Variants in ITGB1 observed in about 807,000 individuals in gnomAD.
The protein encoded by ITGB1 is integrin subunit beta 1, also known as integrin beta-1.
Under a neutral mutation model 86.5 loss-of-function variants are expected in ITGB1, and 24 were observed. The observed-to-expected ratio is 0.28, with a 90% CI of 0.20 to 0.39. The LOEUF (loss-of-function observed/expected upper bound fraction) is 0.39. Ranked by LOEUF, ITGB1 falls within the 10% of genes least tolerant of loss-of-function variation. ITGB1 has a pLI of 1.00. For synonymous variants in ITGB1, 323 were observed against 316.8 expected, an observed-to-expected ratio of 1.02 and a Z score of -0.21; for missense variants, 556 against 946.9, an observed-to-expected ratio of 0.59 and a Z score of 5.42.
At chr10:32,951,173 G>C (rs763773923) in intron 1 of ITGB1, among the ~76,000 whole-genome samples, 3 of 152,028 alleles carry the variant, frequency 2.0e-5, no homozygotes, top group Non-Finnish European at 2.9e-5. Flanking sequence ...TGCTCTTCAA[G>C]AAAGTCAGAA....
chr10:32,925,623 T>G (rs551398725), intron 6 of ITGB1, among the ~76,000 whole-genome samples: 80 of 152,330 alleles, frequency 5.3e-4, no homozygotes, highest in African/African-American at 1.8e-3. Context: ...TTTCAAATGG[T>G]TAGCATTCTG....
At chr10:32,949,590 A>C (rs2095038826) in intron 1 of ITGB1, among the ~76,000 whole-genome samples, 1 of 152,184 alleles carries the variant, frequency 6.6e-6, no homozygotes, top group African/African-American at 2.4e-5. Flanking sequence ...TTACCATATG[A>C]AATTTTATCT....
intron 13 of ITGB1, 141 bp downstream of exon 13, chr10:32,911,307 T>C (rs1170565177): frequency 2.9e-6 from 2 of 681,210 alleles, no homozygotes; most frequent in African/African-American, 3.6e-5. Flanking sequence ...CTTTTAAGAA[T>C]TAAAGAGTAG....
intron 12 of ITGB1, 88 bp downstream of exon 12, chr10:32,911,797 CT>C: frequency 7.0e-7 from 1 of 1,426,702 alleles, no homozygotes; most frequent in Non-Finnish European, 9.7e-7. Flanking sequence ...CAAGCTACCC[CT>C]TTTCTACTTA....
At chr10:32,950,994 T>C (rs1160103797) in intron 1 of ITGB1, among the ~76,000 whole-genome samples, 3 of 152,062 alleles carry the variant, frequency 2.0e-5, no homozygotes, top group South Asian at 2.1e-4. Context: ...AGATAAATAA[T>C]GGATATAGTA....
At chr10:32,915,723 T>C (rs556505551) in intron 11 of ITGB1, among the ~76,000 whole-genome samples, 1 of 152,312 alleles carries the variant, frequency 6.6e-6, no homozygotes, top group East Asian at 1.9e-4. Flanking sequence ...ACAGCCGAAT[T>C]CTACCAGAGG....
intron 6 of ITGB1, 26 bp downstream of exon 6, chr10:32,925,845 C>T (rs1593869089): frequency 1.5e-6 from 2 of 1,293,276 alleles, no homozygotes; most frequent in African/African-American, 1.5e-5. Context: ...AAACAATATC[C>T]CCTGATAGGA....
intron 6 of ITGB1, 109 bp downstream of exon 6, chr10:32,925,762 A>C: frequency 2.7e-6 from 2 of 741,428 alleles, no homozygotes; most frequent in Non-Finnish European, 4.6e-6. Context: ...TAAGATAATC[A>C]AATCTATGAA....
Position 32,901,481 on chromosome 10 carries a change from C to G in ITGB1, c.*89G>C. ...TTTCAAAACCTGCACATGAGTAAAA[C>G]CATGGCAATATTGCCCTAAAGCTAC... is the stretch of plus-strand genomic sequence containing the variant. On this transcript the variant is annotated 3_prime_UTR_variant, in exon 16 of 16. Transcript: ENST00000302278. 1 of 824,106 alleles carries G rather than the reference C, an allele frequency of 1.2e-6. No individual in the cohort carries two copies. The highest frequency in any genetic ancestry group is 2.0e-6 in the Non-Finnish European group (1 of 506,926). The allele number at this position is 824,106 out of a possible 1,614,324, so 51.0% of individuals were successfully genotyped here.
At chr10:32,918,530 C>T (rs2094939060) in intron 11 of ITGB1, among the ~76,000 whole-genome samples, 3 of 152,104 alleles carry the variant, frequency 2.0e-5, no homozygotes, top group Admixed American at 2.0e-4. Context: ...GACAAACATA[C>T]ACAGGCGCAC....
chr10:32,937,767 T>C (rs1206150192), intron 1 of ITGB1, among the ~76,000 whole-genome samples: 2 of 152,190 alleles, frequency 1.3e-5, no homozygotes, highest in East Asian at 1.9e-4. Flanking sequence ...TGTTAGGGTC[T>C]TCTTTCTACT....
At position 32,916,715 on chromosome 10, in the gene ITGB1, T is replaced by C. The variant is rs542011992; in HGVS notation, c.1469+3170A>G. On this transcript the variant is annotated intron_variant, in intron 11 of 15. Coordinates refer to ENST00000302278, the MANE Select transcript of ITGB1 (RefSeq NM_002211.4). ...GAGGACTCAAACAAATGGAAGAACA[T>C]TCCATGCTCATGGATAGGAAGAATC... 9.9e-5 allele frequency among the ~76,000 whole-genome samples: 15 copies of C among 152,244 alleles called. No homozygotes were observed. In the South Asian group the frequency reaches 3.1e-3, roughly 32 times the overall value.
At chr10:32,917,485 C>T (rs1052061170) in intron 11 of ITGB1, among the ~76,000 whole-genome samples, 2 of 152,078 alleles carry the variant, frequency 1.3e-5, no homozygotes, top group African/African-American at 4.8e-5. Context: ...AGAACTCCAA[C>T]AAATTTACAA....
At chr10:32,933,027 C>T (rs12412570) in intron 2 of ITGB1, among the ~76,000 whole-genome samples, 9,581 of 151,940 alleles carry the variant, frequency 0.063, 509 homozygotes, top group South Asian at 0.25. Context: ...TTTTTTTGTA[C>T]CCATTAACAC....
Position 32,932,683 on chromosome 10 carries a change from G to T in ITGB1, c.68-83C>A, listed in dbSNP as rs532807650. The stretch of plus-strand genomic sequence containing the variant: ...GAAAAATCAGAATCACAATGACAAT[G>T]CAATACATATGTTAAATATTAATAC... On this transcript the variant is annotated intron_variant, in intron 2 of 15. Transcript: ENST00000302278. The T allele has an allele frequency of 5.1e-6, 4 of 789,668 alleles. No individual in the cohort carries two copies. The East Asian group carries it at 1.0e-4, about 20-fold the overall frequency. The allele number at this position is 789,668 out of a possible 1,614,324, so 48.9% of individuals were successfully genotyped here. A position where few individuals can be genotyped will look rare whatever the true frequency, so the allele number is the denominator to read the frequency against.
intron 15 of ITGB1, among the ~76,000 whole-genome samples, chr10:32,907,943 G>A (rs1195632557): frequency 6.6e-6 from 1 of 152,158 alleles, no homozygotes; most frequent in African/African-American, 2.4e-5. Flanking sequence ...GACGAGCTGC[G>A]AGTTGGACAA....
At chr10:32,942,395 C>T (rs1429442794) in intron 1 of ITGB1, among the ~76,000 whole-genome samples, 1 of 152,148 alleles carries the variant, frequency 6.6e-6, no homozygotes, top group African/African-American at 2.4e-5. Context: ...TGAGAGCCCA[C>T]CAGGTATTGG....
chr10:32,903,195 T>C (rs2094886447), intron 15 of ITGB1, among the ~76,000 whole-genome samples: 1 of 151,124 alleles, frequency 6.6e-6, no homozygotes, highest in Admixed American at 6.6e-5. Flanking sequence ...CTACTAAAAA[T>C]ACAAAAATTA....
At chr10:32,935,438 C>T (rs1340714418) in intron 2 of ITGB1, 54 bp downstream of exon 2, 12 of 1,096,926 alleles carry the variant, frequency 1.1e-5, no homozygotes, top group East Asian at 2.4e-5. Context: ...CTGGTCAAAG[C>T]GCAATACAAG....
Sources: allele counts gnomAD v4.1 joint callset (sites outside exome capture counted in the v4.1 genomes callset), GRCh38; gene constraint gnomAD v4.1.1; transcripts MANE v1.5; gene names NCBI Gene and HGNC (gene_info 2026-07-23, HGNC 2026-07-21).